ANKFY1: variants seen among roughly 807,000 people sequenced by gnomAD.
The protein encoded by ANKFY1 is ankyrin repeat and FYVE domain containing 1, also known as ankyrin repeat and FYVE domain-containing protein 1.
Under a neutral mutation model 128.3 loss-of-function variants are expected in ANKFY1, and 47 were observed. The observed-to-expected ratio is 0.37, with a 90% confidence interval of 0.29 to 0.47. The LOEUF is 0.47. Ranked by LOEUF, ANKFY1 falls within the 20% of genes least tolerant of loss-of-function variation. The pLI, the probability that ANKFY1 is intolerant of heterozygous loss-of-function variation, is 1.00. For missense variants in ANKFY1, 1,222 were observed against 1,510.6 expected, an observed-to-expected ratio of 0.81 and a Z score of 3.17; for synonymous variants, 553 against 601.6, an observed-to-expected ratio of 0.92 and a Z score of 1.18.
chr17:4,190,346 C>T (rs1403185896), intron 10 of ANKFY1, among the ~76,000 whole-genome samples: 1 of 151,930 alleles, frequency 6.6e-6, no homozygotes, highest in African/African-American at 2.4e-5. Context: ...GAGGCTGAGA[C>T]ACAGGAATTG....
intron 3 of ANKFY1, chr17:4,223,756 G>C (rs773203744): frequency 1.8e-4 from 280 of 1,565,158 alleles, no homozygotes; most frequent in Non-Finnish European, 2.4e-4. Context: ...CCTTAGATCC[G>C]GGGGAGAGGC....
intron 1 of ANKFY1, among the ~76,000 whole-genome samples, chr17:4,249,359 C>T (rs962734309): frequency 1.3e-5 from 2 of 152,112 alleles, no homozygotes; most frequent in African/African-American, 4.8e-5. Flanking sequence ...CATCATGATA[C>T]ATTGTTTTGA....
chr17:4,226,659 C>G (rs1188081807), intron 3 of ANKFY1, among the ~76,000 whole-genome samples: 1 of 151,178 alleles, frequency 6.6e-6, no homozygotes, highest in Non-Finnish European at 1.5e-5. Context: ...TGCAGAGTTG[C>G]TTGAACCTGG....
chr17:4,168,086 A>C (rs1367829700), intron 24 of ANKFY1, 175 bp from the exon 25 acceptor site: 2 of 636,116 alleles, frequency 3.1e-6, no homozygotes, highest in Non-Finnish European at 5.1e-6. Context: ...TTAGTCTATG[A>C]AAACAAAACT....
intron 2 of ANKFY1, among the ~76,000 whole-genome samples, chr17:4,240,345 G>A (rs1479743981): frequency 2.7e-5 from 4 of 150,654 alleles, no homozygotes; most frequent in Admixed American, 6.6e-5. Context: ...GATTACAGGC[G>A]TAAGCCACCA....
At chr17:4,209,609 G>A (rs2060090227) in intron 5 of ANKFY1, among the ~76,000 whole-genome samples, 1 of 152,166 alleles carries the variant, frequency 6.6e-6, no homozygotes, top group Non-Finnish European at 1.5e-5. Context: ...CCAGACCTGA[G>A]CTATCTTTTG....
intron 3 of ANKFY1, among the ~76,000 whole-genome samples, chr17:4,229,706 A>G (rs2060482734): frequency 2.0e-5 from 3 of 152,236 alleles, no homozygotes; most frequent in Admixed American, 6.5e-5. Context: ...TTGAGCTCTG[A>G]GAGAATCTTT....
In ANKFY1 at chr17:4,183,855, T is replaced by C. The variant is rs1168908525; in HGVS notation, c.1755A>G (p.Lys585=). Residue 585 remains lysine, a synonymous_variant, in exon 13 of 25, where the codon AAA becomes AAG. Transcript: ENST00000341657. ...NLQIIPDFSL[K]DSRDQTVLGL... is the part of the protein sequence containing the mutation. ...CCAGCACAGTCTGGTCTCGGGAATC[T>C]TTGAGGCTGAAGTCCGGAATGATCT... 4 of 1,613,968 alleles carry C rather than the reference T, an allele frequency of 2.5e-6. No homozygotes were observed. Among genetic ancestry groups the C allele is most frequent in the Non-Finnish European group, 2.5e-6 (3 of 1,179,926 alleles).
intron 1 of ANKFY1, among the ~76,000 whole-genome samples, chr17:4,257,109 T>G (rs74702729): frequency 0.026 from 3,968 of 152,310 alleles, 171 homozygotes; most frequent in African/African-American, 0.091. Context: ...GCTCAGCCAT[T>G]TGTCTGAGTC....
intron 3 of ANKFY1, among the ~76,000 whole-genome samples, chr17:4,232,392 A>T (rs2060528014): frequency 6.6e-6 from 1 of 152,198 alleles, no homozygotes; most frequent in Non-Finnish European, 1.5e-5. Context: ...ATTCAACAGG[A>T]ACAGGCCCAC....
intron 3 of ANKFY1, among the ~76,000 whole-genome samples, chr17:4,225,966 T>C (rs1420946070): frequency 6.6e-6 from 1 of 152,158 alleles, no homozygotes; most frequent in Non-Finnish European, 1.5e-5. Flanking sequence ...TTTTGCCATG[T>C]TGCCCAGGCT....
intron 3 of ANKFY1, among the ~76,000 whole-genome samples, chr17:4,230,235 C>A (rs1482454798): frequency 6.6e-6 from 1 of 152,196 alleles, no homozygotes; most frequent in Non-Finnish European, 1.5e-5. Context: ...ATAGCTTTCC[C>A]AACCAGAGTG....
intron 1 of ANKFY1, among the ~76,000 whole-genome samples, chr17:4,256,573 G>A (rs1215771734): frequency 6.6e-6 from 1 of 152,134 alleles, no homozygotes; most frequent in East Asian, 1.9e-4. Flanking sequence ...TGCAGATCTT[G>A]GGGGGAGTCG....
chr17:4,229,871 T>C (rs909962093), intron 3 of ANKFY1, among the ~76,000 whole-genome samples: 2 of 152,226 alleles, frequency 1.3e-5, no homozygotes, highest in Non-Finnish European at 2.9e-5. Context: ...AGTCACATGC[T>C]GCCACTTCTA....
chr17:4,223,544 G>A (rs986917862), intron 3 of ANKFY1: 9 of 1,214,850 alleles, frequency 7.4e-6, no homozygotes, highest in South Asian at 7.2e-5. Context: ...GCTCTTGAAA[G>A]TCTGGTTAAT....
intron 1 of ANKFY1, among the ~76,000 whole-genome samples, chr17:4,247,201 A>C (rs746580571): frequency 3.9e-5 from 6 of 152,062 alleles, no homozygotes; most frequent in Non-Finnish European, 8.8e-5. Flanking sequence ...AATGGAGGAG[A>C]TCCTGAAAGC....
chr17:4,258,253 C>T (rs996021807), intron 1 of ANKFY1, among the ~76,000 whole-genome samples: 1 of 152,150 alleles, frequency 6.6e-6, no homozygotes, highest in Non-Finnish European at 1.5e-5. Flanking sequence ...GGGCCGGGCG[C>T]GGTGGCTCAC....
At chr17:4,252,955 T>C (rs1234960955) in intron 1 of ANKFY1, among the ~76,000 whole-genome samples, 1 of 152,188 alleles carries the variant, frequency 6.6e-6, no homozygotes, top group Non-Finnish European at 1.5e-5. Context: ...ACATACTGTA[T>C]GACCCCATAT....
chr17:4,216,560 C>T, intron 4 of ANKFY1: 1 of 263,948 alleles, frequency 3.8e-6, no homozygotes, highest in South Asian at 4.3e-5. Flanking sequence ...CTTATTTGGA[C>T]AATATTTTCA....
Sources: allele counts gnomAD v4.1 joint callset (sites outside exome capture counted in the v4.1 genomes callset), GRCh38; gene constraint gnomAD v4.1.1; transcripts MANE v1.5; gene names NCBI Gene and HGNC (gene_info 2026-07-23, HGNC 2026-07-21).